Variants in AIG1 observed in about 807,000 individuals in gnomAD.
The protein encoded by AIG1 is androgen induced 1, also known as androgen-induced gene 1 protein.
Under a neutral mutation model 31.4 loss-of-function variants are expected in AIG1, and 23 were observed. That is an observed-to-expected ratio of 0.73 (90% CI 0.53 to 1.04). The LOEUF (loss-of-function observed/expected upper bound fraction) is 1.04, where lower values mean the gene tolerates loss of function less well. Ranked by LOEUF, AIG1 falls within the 50% of genes least tolerant of loss-of-function variation. AIG1 has a pLI of 0.00. For missense variants in AIG1, 274 were observed against 295.0 expected, an observed-to-expected ratio of 0.93 and a Z score of 0.52; for synonymous variants, 100 against 110.5, an observed-to-expected ratio of 0.90 and a Z score of 0.60.
At chr6:143,223,190 C>T (rs190676539) in intron 3 of AIG1, among the ~76,000 whole-genome samples, 6 of 152,326 alleles carry the variant, frequency 3.9e-5, no homozygotes, top group Non-Finnish European at 8.8e-5. Context: ...AGTGTAGTCC[C>T]TGTGCCAGCA....
intron 3 of AIG1, among the ~76,000 whole-genome samples, chr6:143,259,523 G>A (rs1192868535): frequency 6.6e-6 from 1 of 152,094 alleles, no homozygotes; most frequent in Non-Finnish European, 1.5e-5. Flanking sequence ...CCCTGTTTTG[G>A]TCTTAATATA....
At chr6:143,109,508 C>A (rs918664745) in intron 1 of AIG1, among the ~76,000 whole-genome samples, 3 of 152,158 alleles carry the variant, frequency 2.0e-5, no homozygotes, top group African/African-American at 7.2e-5. Context: ...TATCCTGTGT[C>A]CTCACCAATG....
At chr6:143,114,327 A>G (rs1781564168) in intron 1 of AIG1, among the ~76,000 whole-genome samples, 1 of 152,236 alleles carries the variant, frequency 6.6e-6, no homozygotes, top group Non-Finnish European at 1.5e-5. Flanking sequence ...AACAATGCTA[A>G]ATAATTCCTA....
At chr6:143,260,964 T>C (rs1182335117) in intron 3 of AIG1, among the ~76,000 whole-genome samples, 1 of 152,194 alleles carries the variant, frequency 6.6e-6, no homozygotes, top group Non-Finnish European at 1.5e-5. Flanking sequence ...TGTCTTTCTC[T>C]TTGGTTTCAG....
rs566486666 is a variant in AIG1 at position 143,093,753 on chromosome 6, G to A, written c.141+32687G>A. On this transcript the variant is annotated intron_variant, in intron 1 of 5. Transcript: ENST00000357847. ...GAGGCCATTGTAGGGATATTAATAGGCCCAATTTCAATATTATTTAATCTT... is the reference window on the plus strand; with the variant it reads ...GAGGCCATTGTAGGGATATTAATAGACCCAATTTCAATATTATTTAATCTT... 2.6e-5 allele frequency among the ~76,000 whole-genome samples: 4 copies of A among 152,196 alleles called. No homozygotes were observed. The East Asian group carries it at 5.8e-4, about 22-fold the overall frequency.
chr6:143,294,519 A>G (rs942014143), intron 4 of AIG1, among the ~76,000 whole-genome samples: 4 of 152,212 alleles, frequency 2.6e-5, no homozygotes, highest in Admixed American at 6.5e-5. Context: ...TGGGATAATA[A>G]TAATAAGTCT....
At chr6:143,204,194 G>A (rs1790923944) in intron 3 of AIG1, among the ~76,000 whole-genome samples, 1 of 152,164 alleles carries the variant, frequency 6.6e-6, no homozygotes, top group Admixed American at 6.5e-5. Context: ...TATAGCTTAG[G>A]ATTGTGTTGG....
At chr6:143,211,964 G>T (rs1464775404) in intron 3 of AIG1, among the ~76,000 whole-genome samples, 5 of 151,872 alleles carry the variant, frequency 3.3e-5, no homozygotes, top group Admixed American at 3.3e-4. Flanking sequence ...TACTTGTTCT[G>T]AATGTCCTTT....
intron 1 of AIG1, among the ~76,000 whole-genome samples, chr6:143,085,513 A>T (rs1778684238): frequency 6.6e-6 from 1 of 152,140 alleles, no homozygotes; most frequent in South Asian, 2.1e-4. Context: ...CTCAGGGGTG[A>T]GTCCTAGAGC....
At chr6:143,137,398 A>T (rs1356185560) in intron 2 of AIG1, among the ~76,000 whole-genome samples, 2 of 152,214 alleles carry the variant, frequency 1.3e-5, no homozygotes, top group South Asian at 4.1e-4. Flanking sequence ...CAGTCTCCAA[A>T]TACAGTCACA....
At chr6:143,166,382 G>A (rs1302435429) in intron 3 of AIG1, among the ~76,000 whole-genome samples, 3 of 152,124 alleles carry the variant, frequency 2.0e-5, no homozygotes, top group Non-Finnish European at 4.4e-5. Context: ...TGAAAAGCAT[G>A]TCGTAACTCC....
intron 2 of AIG1, among the ~76,000 whole-genome samples, chr6:143,156,179 T>C (rs1333087635): frequency 6.6e-6 from 1 of 152,216 alleles, no homozygotes; most frequent in African/African-American, 2.4e-5. Context: ...CTGAGGTCTC[T>C]TGTAGGTATA....
intron 4 of AIG1, among the ~76,000 whole-genome samples, chr6:143,302,521 A>G (rs1798903447): frequency 6.6e-6 from 1 of 152,020 alleles, no homozygotes; most frequent in Non-Finnish European, 1.5e-5. Flanking sequence ...GATGATTTCC[A>G]ATTTCATCCA....
At chr6:143,115,451 G>C (rs1583222477) in intron 1 of AIG1, among the ~76,000 whole-genome samples, 2 of 124,904 alleles carry the variant, frequency 1.6e-5, no homozygotes, top group African/African-American at 6.7e-5. Flanking sequence ...ATTTATACCA[G>C]GGAGGGAAGA....
chr6:143,144,615 A>C (rs1466283912), intron 2 of AIG1, among the ~76,000 whole-genome samples: 13 of 152,170 alleles, frequency 8.5e-5, no homozygotes, highest in Non-Finnish European at 5.9e-5. Flanking sequence ...AAGTAAGAGA[A>C]TACCCTCAGA....
At chr6:143,266,975 G>T (rs567137556) in intron 3 of AIG1, among the ~76,000 whole-genome samples, 69 of 152,298 alleles carry the variant, frequency 4.5e-4, no homozygotes, top group African/African-American at 1.6e-3. Flanking sequence ...AGAGCCAAAA[G>T]AAGGACCTGA....
chr6:143,105,457 T>G lies in AIG1; in HGVS notation c.142-31378T>G, dbSNP rs570127564. The stretch of plus-strand genomic sequence containing the variant: ...GCTCACATCCTTAAGTCCAAAATAT[T>G]TGTCCAGGAGTATCATAGCTGGAAT... On this transcript the variant is annotated intron_variant, in intron 1 of 5. Transcript: ENST00000357847. 2.0e-5 allele frequency among the ~76,000 whole-genome samples: 3 copies of G among 152,292 alleles called. No individual in the cohort carries two copies. The East Asian group carries it at 5.8e-4, about 29-fold the overall frequency.
rs118108068 is a variant in AIG1, at chr6:143,088,005, T to G, written c.141+26939T>G. On this transcript the variant is annotated intron_variant, in intron 1 of 5. Transcript: ENST00000357847. ...TAAAATTCAGTGATATCAGGCACAT[T>G]TGGTTTGGGCTCATAAAACCTTGAG... 7.2e-4 allele frequency among the ~76,000 whole-genome samples: 109 copies of G among 152,280 alleles called. No homozygotes were observed. The East Asian group carries it at 0.021, about 29-fold the overall frequency.
At chr6:143,309,012 G>A (rs1337758059) in intron 4 of AIG1, among the ~76,000 whole-genome samples, 1 of 151,880 alleles carries the variant, frequency 6.6e-6, no homozygotes, top group Admixed American at 6.6e-5. Context: ...GAAAGAAGCT[G>A]GTGGTGGGGA....
Sources: gnomAD v4.1 joint callset for allele counts (sites outside exome capture counted in the v4.1 genomes callset) on GRCh38, gnomAD v4.1.1 for gene constraint, MANE v1.5 for transcripts, NCBI Gene and HGNC (gene_info 2026-07-23, HGNC 2026-07-21) for gene names.